SERPINI1: variants seen among roughly 807,000 people sequenced by gnomAD.
The protein encoded by SERPINI1 is serpin family I member 1.
SERPINI1 carries 19 observed loss-of-function variants against 41.1 expected under a neutral mutation model. The observed-to-expected ratio is 0.46, with a 90% CI of 0.32 to 0.68. SERPINI1 has a LOEUF of 0.68. SERPINI1 is among the 30% of genes least tolerant of loss of function. SERPINI1 has a pLI of 0.03. For synonymous variants in SERPINI1, 138 were observed against 156.6 expected, an observed-to-expected ratio of 0.88 and a Z score of 0.89; for missense variants, 460 against 479.2, an observed-to-expected ratio of 0.96 and a Z score of 0.37.
chr3:167,798,370 A>G (rs1727780528), intron 5 of SERPINI1, among the ~76,000 whole-genome samples: 1 of 152,194 alleles, frequency 6.6e-6, no homozygotes, highest in Non-Finnish European at 1.5e-5. Flanking sequence ...GAGGCTAAAT[A>G]GCAAAATAAA....
At chr3:167,803,313 A>AAATG (rs1711513129) in intron 5 of SERPINI1, among the ~76,000 whole-genome samples, 2 of 150,330 alleles carry the variant, frequency 1.3e-5, no homozygotes, top group Middle Eastern at 3.5e-3. Context: ...ATAAATAAAT[A>AAATG]AGACAATAGA....
intron 2 of SERPINI1, among the ~76,000 whole-genome samples, chr3:167,790,071 G>C (rs886974292): frequency 2.6e-5 from 4 of 152,130 alleles, no homozygotes; most frequent in Non-Finnish European, 1.5e-5. Flanking sequence ...TAGTATAAAA[G>C]AAGTTTAATT....
intron 1 of SERPINI1, among the ~76,000 whole-genome samples, chr3:167,736,429 A>G (rs182558055): frequency 9.2e-5 from 14 of 152,364 alleles, no homozygotes; most frequent in Admixed American, 5.9e-4. Flanking sequence ...ATGAATTTTA[A>G]TGAATGGATA....
At chr3:167,761,457 G>A (rs973501424) in intron 1 of SERPINI1, among the ~76,000 whole-genome samples, 5 of 152,188 alleles carry the variant, frequency 3.3e-5, no homozygotes, top group Non-Finnish European at 5.9e-5. Context: ...GTGGTGGGGT[G>A]GAGGACTAGT....
At chr3:167,772,984 A>G (rs898638099) in intron 1 of SERPINI1, among the ~76,000 whole-genome samples, 2 of 147,070 alleles carry the variant, frequency 1.4e-5, no homozygotes, top group Non-Finnish European at 3.0e-5. Context: ...ATATGTATAT[A>G]TATATATTTC....
chr3:167,773,897 G>A (rs1041759677), intron 1 of SERPINI1, among the ~76,000 whole-genome samples: 6 of 152,076 alleles, frequency 3.9e-5, no homozygotes, highest in Admixed American at 2.0e-4. Flanking sequence ...ATAAAGTAAC[G>A]TACATAACTT....
intron 1 of SERPINI1, among the ~76,000 whole-genome samples, chr3:167,760,844 A>G (rs750101656): frequency 1.3e-4 from 20 of 152,272 alleles, no homozygotes; most frequent in Non-Finnish European, 2.5e-4. Context: ...TCTGAAAATA[A>G]CAGTGTAAAG....
intron 6 of SERPINI1, among the ~76,000 whole-genome samples, chr3:167,815,758 T>C (rs1242405522): frequency 6.6e-6 from 1 of 152,204 alleles, no homozygotes; most frequent in African/African-American, 2.4e-5. Context: ...GCTGATTGTC[T>C]TAAGGTCTCA....
At chr3:167,811,303 A>G (rs1267486799) in intron 6 of SERPINI1, among the ~76,000 whole-genome samples, 1 of 151,752 alleles carries the variant, frequency 6.6e-6, no homozygotes, top group Non-Finnish European at 1.5e-5. Flanking sequence ...GCTCCTCCAC[A>G]ACAAAGGATT....
chr3:167,797,928 G>T (rs536639628), intron 5 of SERPINI1, among the ~76,000 whole-genome samples: 49 of 152,038 alleles, frequency 3.2e-4, no homozygotes, highest in African/African-American at 1.1e-3. Flanking sequence ...AATTAATTTT[G>T]TATTTTTTCT....
chr3:167,754,801 T>G (rs1160442262), intron 1 of SERPINI1, among the ~76,000 whole-genome samples: 1 of 152,192 alleles, frequency 6.6e-6, no homozygotes, highest in African/African-American at 2.4e-5. Flanking sequence ...TTCTCAATCT[T>G]TGCTGGTCTG....
At chr3:167,793,592 A>ATTTTTTTTTT (rs1407073250) in intron 4 of SERPINI1, among the ~76,000 whole-genome samples, 5 of 103,464 alleles carry the variant, frequency 4.8e-5, no homozygotes, top group Middle Eastern at 3.9e-3. Context: ...ATATATATAT[A>ATTTTTTTTTT]TATATTTTTA....
At chr3:167,738,420 C>G (rs1725555172) in intron 1 of SERPINI1, among the ~76,000 whole-genome samples, 1 of 152,032 alleles carries the variant, frequency 6.6e-6, no homozygotes, top group South Asian at 2.1e-4. Context: ...TTCACTGATG[C>G]ATGCAGCACA....
intron 1 of SERPINI1, among the ~76,000 whole-genome samples, chr3:167,736,763 T>C (rs1013897572): frequency 1.3e-5 from 2 of 152,218 alleles, no homozygotes; most frequent in Non-Finnish European, 2.9e-5. Context: ...TACCTATGGA[T>C]GGAAATAAGT....
chr3:167,801,285 A>C (rs1727890892), intron 5 of SERPINI1, among the ~76,000 whole-genome samples: 1 of 152,254 alleles, frequency 6.6e-6, no homozygotes, highest in South Asian at 2.1e-4. Context: ...ATGGCTCTTC[A>C]ACTTATTCAG....
intron 1 of SERPINI1, among the ~76,000 whole-genome samples, chr3:167,760,895 A>C (rs1424382805): frequency 6.6e-6 from 1 of 152,200 alleles, no homozygotes; most frequent in Non-Finnish European, 1.5e-5. Flanking sequence ...TATTTTCTGC[A>C]GGGTGGGTAG....
chr3:167,779,678 G>T (rs373096157), intron 1 of SERPINI1, among the ~76,000 whole-genome samples: 51 of 152,078 alleles, frequency 3.4e-4, no homozygotes, highest in Non-Finnish European at 4.4e-5. Context: ...TTTTTCTTCC[G>T]GTAAATTAAC....
At chr3:167,793,706 T>C (rs894742284) in intron 4 of SERPINI1, among the ~76,000 whole-genome samples, 1 of 151,138 alleles carries the variant, frequency 6.6e-6, no homozygotes, top group African/African-American at 2.4e-5. Context: ...TGAGCTATGA[T>C]CACACCACCG....
At position 167,792,769 on chromosome 3, in the gene SERPINI1, G is replaced by A. The variant is rs1418745987; in HGVS notation, c.661G>A (p.Gly221Arg). 3 of 1,613,340 alleles carry A rather than the reference G, an allele frequency of 1.9e-6. No homozygotes were observed. Among genetic ancestry groups the A allele is most frequent in the Non-Finnish European group, 2.5e-6 (3 of 1,179,526 alleles). ...CCAAATTCCAATGATGTATCAGCAA[G>A]GAGAATTTTATTATGGTAAGACATT... ...EVQIPMMYQQ[G>R]EFYYGEFSDG... Residue 221 changes from glycine to arginine, a missense_variant, in exon 4 of 9, where the codon GGA becomes AGA. Coordinates refer to ENST00000446050, the MANE Select transcript of SERPINI1 (RefSeq NM_001122752.2).
Sources: gnomAD v4.1 joint callset for allele counts (sites outside exome capture counted in the v4.1 genomes callset) on GRCh38, gnomAD v4.1.1 for gene constraint, MANE v1.5 for transcripts, NCBI Gene and HGNC (gene_info 2026-07-23, HGNC 2026-07-21) for gene names.